Variants in ANXA4 observed in about 807,000 individuals in gnomAD.
ANXA4 encodes the protein annexin A4, also known as 35-beta calcimedin.
Under a neutral mutation model 49.8 loss-of-function variants are expected in ANXA4, and 39 were observed. That is an observed-to-expected ratio of 0.78 (90% CI 0.61 to 1.02). The LOEUF is 1.02. Among genes scored for constraint, ANXA4 ranks in the 50% least tolerant of loss-of-function variants. ANXA4 has a pLI of 0.00. For synonymous variants in ANXA4, 134 were observed against 152.5 expected, an observed-to-expected ratio of 0.88 and a Z score of 0.89; for missense variants, 360 against 410.1, an observed-to-expected ratio of 0.88 and a Z score of 1.05.
intron 3 of ANXA4, among the ~76,000 whole-genome samples, chr2:69,793,076 A>AC (rs1310633037): frequency 2.6e-5 from 4 of 151,458 alleles, no homozygotes; most frequent in Non-Finnish European, 5.9e-5. Context: ...ACATGGTGAA[A>AC]CCCCGTCTCT....
intron 3 of ANXA4, among the ~76,000 whole-genome samples, chr2:69,731,609 C>T (rs1384075711): frequency 1.3e-5 from 2 of 151,472 alleles, no homozygotes; most frequent in East Asian, 1.9e-4. Flanking sequence ...ATATGAGCTG[C>T]GGCTCAGCAG....
chr2:69,740,444 G>GTTTTGT (rs538553116), upstream of ANXA4, among the ~76,000 whole-genome samples: 106 of 151,418 alleles, frequency 7.0e-4, no homozygotes, highest in African/African-American at 2.1e-3. Flanking sequence ...TTTTTGTTTT[G>GTTTTGT]TTTTGTTTTT....
At chr2:69,773,612 T>C (rs868410902) in intron 1 of ANXA4, among the ~76,000 whole-genome samples, 13 of 149,158 alleles carry the variant, frequency 8.7e-5, no homozygotes, top group African/African-American at 2.7e-4. Context: ...TCTTTTCTTT[T>C]CTTTCCTTCT....
intron 2 of ANXA4, among the ~76,000 whole-genome samples, chr2:69,668,522 G>A (rs925407377): frequency 3.9e-4 from 59 of 152,036 alleles, no homozygotes; most frequent in African/African-American, 1.3e-3. Flanking sequence ...AGTCTTCCAG[G>A]TATTTCTCTC....
At chr2:69,747,117 C>A (rs946764551) in intron 1 of ANXA4, among the ~76,000 whole-genome samples, 10 of 152,172 alleles carry the variant, frequency 6.6e-5, no homozygotes, top group African/African-American at 2.4e-5. Flanking sequence ...AGGAAGCCCC[C>A]CCATGTCCAC....
chr2:69,798,957 G>A (rs1017994597), intron 3 of ANXA4, among the ~76,000 whole-genome samples: 1 of 152,140 alleles, frequency 6.6e-6, no homozygotes, highest in Admixed American at 6.5e-5. Context: ...CAAAAGAACA[G>A]AACAGCTCAC....
In ANXA4 at chr2:69,816,127, A is replaced by G. The variant is rs1339982802; in HGVS notation, c.561A>G (p.Lys187=). 6.2e-7 allele frequency: 1 copy of G among 1,614,154 alleles called. No homozygotes were observed. The highest frequency in any genetic ancestry group is 8.5e-7 in the Non-Finnish European group (1 of 1,179,992). Residue 187 remains lysine, a synonymous_variant, in exon 9 of 13, where the codon AAA becomes AAG. Transcript: ENST00000394295. ...AQDLYEAGEK[K]WGTDEVKFLT... ...ACCTGTATGAGGCTGGAGAGAAGAA[A>G]TGGGGGACAGATGAGGTGAAATTTC...
chr2:69,697,405 G>T (rs1007042840), intron 2 of ANXA4, among the ~76,000 whole-genome samples: 2 of 152,214 alleles, frequency 1.3e-5, no homozygotes, highest in Non-Finnish European at 2.9e-5. Flanking sequence ...AGGGAATGTT[G>T]TTGCTGGTTT....
intron 3 of ANXA4, among the ~76,000 whole-genome samples, chr2:69,734,508 G>A (rs1670189993): frequency 6.6e-6 from 1 of 152,152 alleles, no homozygotes; most frequent in African/African-American, 2.4e-5. Context: ...GCAATAACGT[G>A]GACCTGACAA....
At chr2:69,779,795 C>T (rs1014317771) in intron 1 of ANXA4, among the ~76,000 whole-genome samples, 7 of 152,196 alleles carry the variant, frequency 4.6e-5, no homozygotes, top group Admixed American at 4.6e-4. Flanking sequence ...TGTTTCTGAG[C>T]CTTCCCTGGA....
At chr2:69,656,915 G>T (rs761015405) in intron 2 of ANXA4, among the ~76,000 whole-genome samples, 11 of 151,944 alleles carry the variant, frequency 7.2e-5, no homozygotes, top group Non-Finnish European at 1.5e-4. Context: ...CAGCCTTTCA[G>T]CTGGAAACAA....
intron 1 of ANXA4, among the ~76,000 whole-genome samples, chr2:69,763,202 A>G (rs1671366254): frequency 6.6e-6 from 1 of 152,164 alleles, no homozygotes; most frequent in African/African-American, 2.4e-5. Context: ...CCTGGCCCAG[A>G]GAGGGAATGG....
At chr2:69,771,094 C>CAA (rs1169928879) in intron 1 of ANXA4, among the ~76,000 whole-genome samples, 28 of 42,302 alleles carry the variant, frequency 6.6e-4, no homozygotes, top group African/African-American at 1.7e-3. Context: ...ACCCTGTCTC[C>CAA]AAAAAAAAAA....
chr2:69,810,880 C>T, intron 7 of ANXA4: 1 of 562,780 alleles, frequency 1.8e-6, no homozygotes, highest in Admixed American at 3.0e-5. Flanking sequence ...TTGATATTTA[C>T]AAGTACCTAA....
intron 8 of ANXA4, chr2:69,814,793 TG>T (rs1673903108): frequency 9.1e-5 from 4 of 44,030 alleles, no homozygotes; most frequent in African/African-American, 3.1e-4. Flanking sequence ...TGTGTGTGTG[TG>T]AGAGAAAGAG....
At chr2:69,721,370 A>C (rs1669806596) in intron 3 of ANXA4, among the ~76,000 whole-genome samples, 1 of 152,224 alleles carries the variant, frequency 6.6e-6, no homozygotes, top group African/African-American at 2.4e-5. Context: ...AGGCATTGGA[A>C]GGTTTCACGT....
intron 7 of ANXA4, 27 bp downstream of exon 7, chr2:69,810,700 G>A (rs750146291): frequency 4.3e-5 from 69 of 1,590,696 alleles, no homozygotes; most frequent in Admixed American, 6.7e-5. Flanking sequence ...GATGGGGGGC[G>A]GGTTTTATCG....
rs1366299177 is a variant in ANXA4, at chr2:69,826,883, T to C, written c.*1368T>C. On this transcript the variant is annotated 3_prime_UTR_variant, in exon 13 of 13. Coordinates refer to ENST00000394295, the MANE Select transcript of ANXA4 (RefSeq NM_001153.5). Reference sequence around the variant, plus strand: ...TCATCTTGGCCCCTGAAAGGAGCTATTTTTGAAGGACTTGTGTTACTCAGT... The same window carrying C: ...TCATCTTGGCCCCTGAAAGGAGCTACTTTTGAAGGACTTGTGTTACTCAGT... The C allele has an allele frequency of 6.6e-6, 1 of 152,124 alleles. No homozygotes were observed. Among genetic ancestry groups the C allele is most frequent in the East Asian group, 1.9e-4 (1 of 5,200 alleles). 9.4% of individuals were successfully genotyped at this position (152,124 alleles called of 1,614,324 possible). A position where few individuals can be genotyped will look rare whatever the true frequency, so the allele number is the denominator to read the frequency against.
chr2:69,657,128 G>T (rs920297295), intron 2 of ANXA4, among the ~76,000 whole-genome samples: 1 of 151,182 alleles, frequency 6.6e-6, no homozygotes, highest in South Asian at 2.1e-4. Context: ...CCGAGTAGCT[G>T]GCATTACAGG....
Sources: allele counts gnomAD v4.1 joint callset (sites outside exome capture counted in the v4.1 genomes callset), GRCh38; gene constraint gnomAD v4.1.1; transcripts MANE v1.5; gene names NCBI Gene and HGNC (gene_info 2026-07-23, HGNC 2026-07-21).